The following ZBTB11 variants were observed in gnomAD, a reference collection of about 807,000 sequenced individuals.
The protein encoded by ZBTB11 is zinc finger and BTB domain-containing protein 11.
ZBTB11 carries 68 observed loss-of-function variants against 113.1 expected under a neutral mutation model. The ratio of observed to expected loss-of-function variants is 0.60; its 90% CI spans 0.49 to 0.74. The LOEUF (loss-of-function observed/expected upper bound fraction) is 0.74, where lower values mean the gene tolerates loss of function less well. ZBTB11 is among the 30% of genes least tolerant of loss of function. The pLI is 0.00. For synonymous variants in ZBTB11, 518 were observed against 452.6 expected, an observed-to-expected ratio of 1.14 and a Z score of -1.83; for missense variants, 1,104 against 1,279.4, an observed-to-expected ratio of 0.86 and a Z score of 2.09.
At chr3:101,675,424 C>T (rs1937148296) in intron 1 of ZBTB11, among the ~76,000 whole-genome samples, 2 of 152,212 alleles carry the variant, frequency 1.3e-5, no homozygotes, top group Admixed American at 1.3e-4. Context: ...CCGAAAAGAA[C>T]TTTAGAAACT....
In ZBTB11 at chr3:101,664,595, T is replaced by C; in HGVS notation, c.1743A>G (p.Arg581=). 1 of 1,613,886 alleles carries C rather than the reference T, an allele frequency of 6.2e-7. No individual in the cohort carries two copies. Among genetic ancestry groups the C allele is most frequent in the South Asian group, 1.1e-5 (1 of 91,006 alleles). Residue 581 remains arginine (R), a synonymous_variant, in exon 5 of 11, where the codon CGA becomes CGG. Coordinates refer to ENST00000312938, the MANE Select transcript of ZBTB11 (RefSeq NM_014415.4). ...TCAGTTTGTGCATTATAAGGGCGTA[T>C]CGTCTCTGAAAAACCATTCCACATT... The part of the protein sequence containing the change: ...CGECGMVFQR[R]YALIMHKLKH...
rs370558737 is a variant in ZBTB11 at position 101,658,447 on chromosome 3, C to A, written c.2046+1336G>T. Among the ~76,000 whole-genome samples the A allele has an allele frequency of 7.2e-5, 11 of 152,224 alleles. No individual in the cohort carries two copies. In the South Asian group the frequency reaches 2.1e-3, roughly 29 times the overall value. On this transcript the variant is annotated intron_variant, in intron 6 of 10. Coordinates refer to ENST00000312938, the MANE Select transcript of ZBTB11 (RefSeq NM_014415.4). ...GATTGTTAGCCAGGATGGTCTCGAT[C>A]TCCTGACCTTGTGATCCGCCTGCCT...
At chr3:101,658,033 C>T (rs1392094266) in intron 6 of ZBTB11, among the ~76,000 whole-genome samples, 1 of 152,042 alleles carries the variant, frequency 6.6e-6, no homozygotes, top group East Asian at 1.9e-4. Context: ...GATACTTGCA[C>T]ATGCATGTTT....
intron 4 of ZBTB11, 110 bp downstream of exon 4, chr3:101,664,854 T>A: frequency 6.7e-7 from 1 of 1,492,758 alleles, no homozygotes; most frequent in South Asian, 1.4e-5. Flanking sequence ...AGTTGCTACC[T>A]TGTACCCATC....
Position 101,651,232 on chromosome 3 carries a change from T to A in ZBTB11, c.3096A>T (p.Leu1032=), listed in dbSNP as rs759293562. The change falls in exon 11 of 11, where the codon CTA becomes CTT. Residue 1032 remains leucine, a synonymous_variant. Coordinates refer to ENST00000312938, the MANE Select transcript of ZBTB11 (RefSeq NM_014415.4). ...YVLAQQQGQK[L]SEVAEAIQTV... ...TTTGAATAGCTTCTGCAACTTCAGA[T>A]AGCTTCTGTCCTTGCTGTTGTGCTA... The A allele has an allele frequency of 3.1e-6, 5 of 1,612,734 alleles. No individual in the cohort carries two copies. The highest frequency in any genetic ancestry group is 2.2e-5 in the East Asian group (1 of 44,884).
intron 1 of ZBTB11, among the ~76,000 whole-genome samples, chr3:101,675,865 C>T (rs1320195882): frequency 6.6e-6 from 1 of 152,196 alleles, no homozygotes; most frequent in Admixed American, 6.6e-5. Context: ...GAGGCCGAGG[C>T]GGGAGGATGG....
rs546943976 is a variant in ZBTB11 at position 101,663,936 on chromosome 3, TACTCTTCCCTGTTTTGAGTACAGTAC to T, written c.1800+576_1800+601del. 7.6e-4 allele frequency among the ~76,000 whole-genome samples: 115 copies of T among 152,278 alleles called. 1 individual carries two copies. Among genetic ancestry groups the T allele is most frequent in the South Asian group, 1.7e-3 (8 of 4,824 alleles). Reference sequence around the variant, plus strand: ...AAAAACTTAATATTCAGTAAGCTTTTACTCTTCCCTGTTTTGAGTACAGTACACTCTTCCCTGTTTTGAGTACAGTA... The same window carrying T: ...AAAAACTTAATATTCAGTAAGCTTTTACTCTTCCCTGTTTTGAGTACAGTA... On this transcript the variant is annotated intron_variant, in intron 5 of 10. Transcript: ENST00000312938.
intron 1 of ZBTB11, among the ~76,000 whole-genome samples, 197 bp from the exon 2 acceptor site, chr3:101,672,410 G>A (rs1211744580): frequency 1.3e-5 from 2 of 152,198 alleles, no homozygotes; most frequent in African/African-American, 4.8e-5. Context: ...TTCTCCTGCT[G>A]AGGTAATTTT....
intron 5 of ZBTB11, among the ~76,000 whole-genome samples, chr3:101,664,082 G>A (rs569839351): frequency 1.4e-3 from 218 of 152,264 alleles, no homozygotes; most frequent in Non-Finnish European, 2.1e-3. Flanking sequence ...AGGGACAGGG[G>A]TAGTGATTTA....
intron 7 of ZBTB11, among the ~76,000 whole-genome samples, chr3:101,655,389 CA>C (rs1371720025): frequency 1.3e-5 from 2 of 152,188 alleles, no homozygotes; most frequent in African/African-American, 4.8e-5. Context: ...GAGTTGAATA[CA>C]AGTTGCAGCA....
chr3:101,665,534 T>A lies in ZBTB11; in HGVS notation c.1053A>T (p.Thr351=). 1.2e-6 allele frequency: 2 copies of A among 1,614,198 alleles called. No homozygotes were observed. The highest frequency in any genetic ancestry group is 8.5e-7 in the Non-Finnish European group (1 of 1,180,018). The change falls in exon 4 of 11, where the codon ACA becomes ACT. Residue 351 remains threonine (T), a synonymous_variant. Transcript: ENST00000312938. Reference sequence around the variant, plus strand: ...CCCCAAGTTCAGTAGGTAAACTTGTTGTGGTTCCCTCACTGCTAGCAACAG... The same window carrying A: ...CCCCAAGTTCAGTAGGTAAACTTGTAGTGGTTCCCTCACTGCTAGCAACAG... ...APPVASSEGT[T]TSLPTELGDC... is the part of the protein sequence containing the mutation.
rs1038991560 is a variant in ZBTB11 at position 101,672,048 on chromosome 3, A to T, written c.476T>A (p.Phe159Tyr). The T allele has an allele frequency of 2.5e-6, 4 of 1,614,160 alleles. No homozygotes were observed. In the Admixed American group the frequency reaches 5.0e-5, roughly 20 times the overall value. ...SNESEDDLSN[F>Y]TSSPTTASKP... ...GGATGCTGTAGTTGGAGATGAAGTAAAGTTGCTCAGGTCATCTTCCGATTC... is the reference window on the plus strand; with the variant it reads ...GGATGCTGTAGTTGGAGATGAAGTATAGTTGCTCAGGTCATCTTCCGATTC... The change falls in exon 2 of 11, where the codon TTT becomes TAT. Residue 159 changes from phenylalanine (F) to tyrosine (Y), a missense_variant. Phe to Tyr is a conservative substitution (Grantham distance 22). Around this residue, in one of 5 missense-constraint regions of ZBTB11, gnomAD observed 245 missense variants for 272.5 expected, o/e 0.90. Transcript: ENST00000312938.
At chr3:101,672,585 G>A (rs910023289) in intron 1 of ZBTB11, among the ~76,000 whole-genome samples, 2 of 152,096 alleles carry the variant, frequency 1.3e-5, no homozygotes, top group Admixed American at 6.6e-5. Flanking sequence ...GCATGATGGC[G>A]CACGCCTGTA....
At chr3:101,670,969 C>T (rs1053894496) in intron 3 of ZBTB11, 161 bp downstream of exon 3, 3 of 592,516 alleles carry the variant, frequency 5.1e-6, no homozygotes, top group African/African-American at 3.7e-5. Context: ...AACTCTACCA[C>T]AGAAATCTTG....
At chr3:101,668,565 G>A (rs1937032939) in intron 3 of ZBTB11, among the ~76,000 whole-genome samples, 1 of 150,368 alleles carries the variant, frequency 6.7e-6, no homozygotes. Flanking sequence ...AAAGTTGCTT[G>A]AGCCTATGAC....
chr3:101,659,018 T>G (rs991753109), intron 6 of ZBTB11, among the ~76,000 whole-genome samples: 2 of 152,164 alleles, frequency 1.3e-5, no homozygotes, highest in Non-Finnish European at 2.9e-5. Context: ...GTAGGAAGAC[T>G]ACTTGAGCCC....
chr3:101,668,599 G>A lies in ZBTB11; in HGVS notation c.778+2531C>T, dbSNP rs186552597. ...ACTGCACCACTGCACTCTAGCCTAG[G>A]GTGACAGAATAAGATTCTGTCAAAA... On this transcript the variant is annotated intron_variant, in intron 3 of 10. Transcript: ENST00000312938. Among the ~76,000 whole-genome samples the A allele has an allele frequency of 2.8e-3, 427 of 150,546 alleles. 1 individual carries two copies. The highest frequency in any genetic ancestry group is 0.01 in the Middle Eastern group (3 of 294).
Position 101,671,539 on chromosome 3 carries a change from T to A in ZBTB11, c.547-178A>T, listed in dbSNP as rs144125480. 423 of 605,328 alleles carry A rather than the reference T, an allele frequency of 7.0e-4. 1 individual carries two copies. Among genetic ancestry groups the A allele is most frequent in the Middle Eastern group, 1.8e-3 (4 of 2,266 alleles). The allele number at this position is 605,328 out of a possible 1,614,324, so 37.5% of individuals were successfully genotyped here. ...TGTTGTCCTATCCTATTTTCTGCCA[T>A]GTTCATTCTACCTCACCTAATGAAA... is the stretch of plus-strand genomic sequence containing the variant. On this transcript the variant is annotated intron_variant, in intron 2 of 10. Transcript: ENST00000312938.
At chr3:101,654,582 A>G in intron 8 of ZBTB11, 122 bp downstream of exon 8, 1 of 778,920 alleles carries the variant, frequency 1.3e-6, no homozygotes, top group Admixed American at 2.4e-5. Flanking sequence ...AGCAAGAAAA[A>G]AAGGACATTA....
Sources: allele counts gnomAD v4.1 joint callset (sites outside exome capture counted in the v4.1 genomes callset), GRCh38; gene constraint gnomAD v4.1.1; regional missense constraint gnomAD v4.1.1; transcripts MANE v1.5; gene names NCBI Gene and HGNC (gene_info 2026-07-23, HGNC 2026-07-21).